TMEM161B: variants seen among roughly 807,000 people sequenced by gnomAD.
The protein encoded by TMEM161B is transmembrane protein 161B.
TMEM161B carries 34 observed loss-of-function variants against 61.8 expected under a neutral mutation model. That is an observed-to-expected ratio of 0.55 (90% CI 0.42 to 0.73). TMEM161B has a LOEUF of 0.73. Ranked by LOEUF, TMEM161B falls within the 30% of genes least tolerant of loss-of-function variation. The pLI, the probability that TMEM161B is intolerant of heterozygous loss-of-function variation, is 0.00. For missense variants in TMEM161B, 456 were observed against 558.5 expected, an observed-to-expected ratio of 0.82 and a Z score of 1.85; for synonymous variants, 167 against 192.8, an observed-to-expected ratio of 0.87 and a Z score of 1.11.
At chr5:88,186,254 C>T (rs1372083282), downstream of TMEM161B, among the ~76,000 whole-genome samples, 1 of 152,176 alleles carries the variant, frequency 6.6e-6, no homozygotes, top group Non-Finnish European at 1.5e-5. Flanking sequence ...ATTGTAAAGT[C>T]CAACGATGCA....
rs1364640960 is a variant in TMEM161B, at chr5:88,198,926, T to A, written c.1089+50A>T. On this transcript the variant is annotated intron_variant, in intron 10 of 11. Transcript: ENST00000296595. ...AAGGAAACCAATTTTTTTTTTTTTT[T>A]ACAGTGCGGTTTTTGCTATTTTTCA... is the stretch of plus-strand genomic sequence containing the variant. 7 of 1,492,456 alleles carry A rather than the reference T, an allele frequency of 4.7e-6. No homozygotes were observed. The Admixed American group carries it at 9.0e-5, about 19-fold the overall frequency. The allele number at this position is 1,492,456 out of a possible 1,614,324, so 92.5% of individuals were successfully genotyped here. A position where few individuals can be genotyped will look rare whatever the true frequency, so the allele number is the denominator to read the frequency against.
intron 11 of TMEM161B, among the ~76,000 whole-genome samples, chr5:88,197,155 ATGCAATAATAGACACCTCT>A (rs1282977619): frequency 6.6e-6 from 1 of 152,134 alleles, no homozygotes; most frequent in Non-Finnish European, 1.5e-5. Context: ...GAAATGATCA[ATGCAATAATAGACACCTCT>A]TGAATAACAC....
downstream of TMEM161B, among the ~76,000 whole-genome samples, chr5:88,186,134 T>C (rs1456406224): frequency 1.3e-5 from 2 of 152,256 alleles, no homozygotes; most frequent in Admixed American, 6.5e-5. Flanking sequence ...GTCTTACATG[T>C]ATTTATACAG....
chr5:88,216,736 T>C (rs1747930641), intron 5 of TMEM161B, among the ~76,000 whole-genome samples: 1 of 152,178 alleles, frequency 6.6e-6, no homozygotes, highest in African/African-American at 2.4e-5. Context: ...GGTGCCACAG[T>C]CTCCGGTTAA....
intron 1 of TMEM161B, among the ~76,000 whole-genome samples, chr5:88,248,839 C>T (rs889888392): frequency 2.6e-5 from 4 of 151,944 alleles, no homozygotes; most frequent in African/African-American, 9.7e-5. Context: ...TGACTTTTAA[C>T]CATAGAGCTC....
chr5:88,265,200 T>C (rs1314328135), intron 1 of TMEM161B, among the ~76,000 whole-genome samples: 1 of 152,208 alleles, frequency 6.6e-6, no homozygotes, highest in Non-Finnish European at 1.5e-5. Flanking sequence ...GTGATTCCTA[T>C]GCAAACTCAA....
rs182462233 is a variant in TMEM161B, at chr5:88,189,897, C to T, written c.*155G>A. The T allele has an allele frequency of 1.9e-3, 1,147 of 595,474 alleles. 5 individuals carry two copies. Among genetic ancestry groups the T allele is most frequent in the African/African-American group, 0.01 (564 of 53,970 alleles). The allele number at this position is 595,474 out of a possible 1,614,324, so 36.9% of individuals were successfully genotyped here. A position where few individuals can be genotyped will look rare whatever the true frequency, so the allele number is the denominator to read the frequency against. On this transcript the variant is annotated 3_prime_UTR_variant, in exon 13 of 13. Transcript: ENST00000514135. ...ACTATTTTTGATAGTCTGATTCATC[C>T]GCTCCACCTTTCCGGAACTCTGAGG... is the stretch of plus-strand genomic sequence containing the variant.
intron 4 of TMEM161B, chr5:88,221,831 T>A (rs1284743961): frequency 3.1e-5 from 14 of 445,604 alleles, no homozygotes; most frequent in South Asian, 2.0e-4. Context: ...AATAAAATGA[T>A]CTGCATTGCT....
chr5:88,234,078 G>C (rs1428678862), intron 2 of TMEM161B, among the ~76,000 whole-genome samples: 1 of 152,092 alleles, frequency 6.6e-6, no homozygotes, highest in Admixed American at 6.6e-5. Context: ...TGTTTTTTAA[G>C]GGGGAGAGAG....
chr5:88,244,030 T>C (rs1179102904), intron 1 of TMEM161B, among the ~76,000 whole-genome samples: 1 of 151,974 alleles, frequency 6.6e-6, no homozygotes, highest in Non-Finnish European at 1.5e-5. Context: ...TTCAGAATAT[T>C]ACACCTTTGC....
downstream of TMEM161B, among the ~76,000 whole-genome samples, chr5:88,193,236 C>T (rs535356021): frequency 2.6e-5 from 4 of 152,034 alleles, no homozygotes; most frequent in East Asian, 7.7e-4. Flanking sequence ...GTGGGGTAGT[C>T]GGAAAGACAG....
rs1229281528 is a variant in TMEM161B at position 88,202,987 on chromosome 5, G to T, written c.889C>A (p.Pro297Thr). The T allele has an allele frequency of 6.2e-7, 1 of 1,610,872 alleles. No individual in the cohort carries two copies. Among genetic ancestry groups the T allele is most frequent in the South Asian group, 1.1e-5 (1 of 90,966 alleles). ...PITKDYIMNP[P>T]LGKESIPLMT... ...AAAGGGATACTTTCTTTGCCCAGTG[G>T]TGGGTTCATAATGTAGTCTTTGGTG... is the stretch of plus-strand genomic sequence containing the variant. Residue 297 changes from proline to threonine, a missense_variant, in exon 9 of 12, where the codon CCA (proline) becomes ACA (threonine). Around this residue, in one of 3 missense-constraint regions of TMEM161B, gnomAD observed 367 missense variants for 427.3 expected, o/e 0.86. Transcript: ENST00000296595.
At chr5:88,203,618 G>A (rs948403298) in intron 8 of TMEM161B, among the ~76,000 whole-genome samples, 5 of 151,264 alleles carry the variant, frequency 3.3e-5, no homozygotes, top group African/African-American at 7.3e-5. Flanking sequence ...GCAACAACCC[G>A]CAACTGAGGA....
chr5:88,191,045 ATTG>A (rs1317146166), downstream of TMEM161B, among the ~76,000 whole-genome samples: 16 of 152,146 alleles, frequency 1.1e-4, no homozygotes, highest in Admixed American at 1.0e-3. Context: ...GCATTCAATA[ATTG>A]TTTTTTGTCC....
intron 2 of TMEM161B, among the ~76,000 whole-genome samples, chr5:88,240,017 A>ATT (rs1248120178): frequency 1.3e-5 from 2 of 151,874 alleles, no homozygotes; most frequent in Non-Finnish European, 2.9e-5. Flanking sequence ...TTTGGCATGT[A>ATT]TTTCTGTGTG....
chr5:88,243,264 T>C (rs1347689025), intron 1 of TMEM161B, among the ~76,000 whole-genome samples: 2 of 151,610 alleles, frequency 1.3e-5, no homozygotes, highest in African/African-American at 4.8e-5. Context: ...AAGTAGGCCC[T>C]AGTGTATGTT....
chr5:88,199,298 T>A (rs1750278140), intron 9 of TMEM161B, 148 bp from the exon 10 acceptor site: 1 of 679,438 alleles, frequency 1.5e-6, no homozygotes, highest in Non-Finnish European at 2.4e-6. Context: ...GCCATAGACT[T>A]AACTGTATAA....
At chr5:88,216,213 A>T (rs33712) in intron 5 of TMEM161B, among the ~76,000 whole-genome samples, 1 of 152,024 alleles carries the variant, frequency 6.6e-6, no homozygotes, top group African/African-American at 2.4e-5. Context: ...GCAACTGCAC[A>T]ACAACTTGGG....
At chr5:88,242,739 G>C (rs1011620748) in intron 1 of TMEM161B, among the ~76,000 whole-genome samples, 4 of 151,478 alleles carry the variant, frequency 2.6e-5, no homozygotes, top group Non-Finnish European at 5.9e-5. Flanking sequence ...TGTTTTTATT[G>C]TCACTGTTAT....
Sources: gnomAD v4.1 joint callset for allele counts (sites outside exome capture counted in the v4.1 genomes callset) on GRCh38, gnomAD v4.1.1 for gene constraint, gnomAD v4.1.1 regional missense constraint, MANE v1.5 for transcripts, NCBI Gene and HGNC (gene_info 2026-07-23, HGNC 2026-07-21) for gene names.